ADAM10: variants seen among roughly 807,000 people sequenced by gnomAD.
ADAM10 encodes ADAM metallopeptidase domain 10.
ADAM10 carries 17 observed loss-of-function variants against 90.1 expected under a neutral mutation model. That is an observed-to-expected ratio of 0.19 (90% confidence interval 0.13 to 0.28). ADAM10 has a LOEUF of 0.28. Ranked by LOEUF, ADAM10 falls within the 10% of genes least tolerant of loss-of-function variation. The pLI is 1.00. For synonymous variants in ADAM10, 310 were observed against 298.6 expected (o/e 1.04, Z -0.40); for missense variants, 610 against 914.3 (o/e 0.67, Z 4.29).
chr15:58,621,496 T>G lies in ADAM10; in HGVS notation c.1486A>C (p.Lys496Gln), dbSNP rs543705574. The G allele has an allele frequency of 6.2e-7, 1 of 1,614,116 alleles. No homozygotes were observed. Among genetic ancestry groups the G allele is most frequent in the South Asian group, 1.1e-5 (1 of 91,078 alleles). Residue 496 changes from lysine (K) to glutamine (Q), a missense_variant, in exon 11 of 16, where the codon AAA (lysine) becomes CAA (glutamine). Around this residue, in one of 4 missense-constraint regions of ADAM10, gnomAD observed 53 missense variants for 62.0 expected, o/e 0.85. Transcript: ENST00000260408. ...DANQPEGRKC[K>Q]LKPGKQCSPS... Reference sequence around the variant, plus strand: ...CTGCACTGTTTCCCAGGTTTCAGTTTGCATTTTCTTCCCTCTGGTTGATTT... The same window carrying G: ...CTGCACTGTTTCCCAGGTTTCAGTTGGCATTTTCTTCCCTCTGGTTGATTT...
At chr15:58,599,577 A>G in intron 15 of ADAM10, 21 bp downstream of exon 15, 1 of 1,612,008 alleles carries the variant, frequency 6.2e-7, no homozygotes, top group Non-Finnish European at 8.5e-7. Context: ...ATAAATATGT[A>G]TCTTGCTCAA....
intron 6 of ADAM10, 57 bp from the exon 7 acceptor site, chr15:58,644,035 T>C (rs1467507933): frequency 2.3e-6 from 3 of 1,332,624 alleles, no homozygotes; most frequent in Non-Finnish European, 3.2e-6. Context: ...AAAAAGATTA[T>C]AAATTTCCAT....
rs140264452 is a variant in ADAM10 at position 58,621,103 on chromosome 15, A to T, written c.1511+368T>A. Among the ~76,000 whole-genome samples, 69 of 152,006 alleles carry T rather than the reference A, an allele frequency of 4.5e-4. 1 individual carries two copies. The East Asian group carries it at 0.013, about 28-fold the overall frequency. On this transcript the variant is annotated intron_variant, in intron 11 of 15. Transcript: ENST00000260408. ...ATGGCGTAACTCTGTCTCTAAAAAA[A>T]AATACAAAAATTAGCTGGGTGTGGT...
chr15:58,745,600 C>T (rs943967335), intron 1 of ADAM10, among the ~76,000 whole-genome samples: 3 of 151,986 alleles, frequency 2.0e-5, no homozygotes, highest in Admixed American at 6.6e-5. Flanking sequence ...ATCTTTAAGA[C>T]TACAGAGAAA....
intron 4 of ADAM10, among the ~76,000 whole-genome samples, chr15:58,676,479 A>G (rs1377457712): frequency 6.6e-6 from 1 of 152,208 alleles, no homozygotes. Flanking sequence ...GAATTTAAAG[A>G]ACCAATTAAA....
chr15:58,630,857 G>T (rs963547228), intron 9 of ADAM10, among the ~76,000 whole-genome samples: 5 of 152,090 alleles, frequency 3.3e-5, no homozygotes, highest in Non-Finnish European at 5.9e-5. Flanking sequence ...GTATAATTTG[G>T]ATGTCTGTCC....
chr15:58,615,805 C>T (rs1356758890), intron 11 of ADAM10, among the ~76,000 whole-genome samples: 1 of 151,988 alleles, frequency 6.6e-6, no homozygotes, highest in Non-Finnish European at 1.5e-5. Context: ...GTCAGGAGTT[C>T]AAGACCAGCC....
chr15:58,597,788 A>C (rs1894998292), intron 15 of ADAM10, 147 bp from the exon 16 acceptor site: 1 of 688,070 alleles, frequency 1.5e-6, no homozygotes, highest in Non-Finnish European at 2.2e-6. Flanking sequence ...ATCTTCTGAT[A>C]GCCACAATAA....
rs1462521310 is a variant in ADAM10, at chr15:58,611,907, C to G, written c.1596G>C (p.Arg532Ser). ...CTGTGAAGCCATTACATATTCCTTC[C>G]CTTGCACAGTCTGAATCATCCCGAC... is the stretch of plus-strand genomic sequence containing the variant. Reference protein sequence around the residue: ...EKCRDDSDCAREGICNGFTAL... With the variant: ...EKCRDDSDCASEGICNGFTAL... Residue 532 changes from arginine to serine, a missense_variant, in exon 12 of 16, where the codon AGG becomes AGC. Physicochemically the swap from Arg to Ser is moderately radical, Grantham distance 110 (BLOSUM62 -1). Around this residue, in one of 4 missense-constraint regions of ADAM10, gnomAD observed 53 missense variants for 62.0 expected, o/e 0.85. Transcript: ENST00000260408. 6.2e-7 allele frequency: 1 copy of G among 1,614,154 alleles called. No homozygotes were observed. The highest frequency in any genetic ancestry group is 8.5e-7 in the Non-Finnish European group (1 of 1,180,006).
intron 8 of ADAM10, among the ~76,000 whole-genome samples, chr15:58,635,155 G>A (rs1184972421): frequency 6.6e-6 from 1 of 150,784 alleles, no homozygotes; most frequent in East Asian, 1.9e-4. Context: ...GGTGCCTGTA[G>A]CCCCAGCTAC....
At chr15:58,660,870 A>G (rs1596040361) in intron 5 of ADAM10, among the ~76,000 whole-genome samples, 1 of 152,342 alleles carries the variant, frequency 6.6e-6, no homozygotes, top group Middle Eastern at 3.4e-3. Flanking sequence ...CAACTCTTCA[A>G]TTCTGCCACT....
chr15:58,597,774 TA>T, intron 15 of ADAM10, 133 bp from the exon 16 acceptor site: 1 of 817,872 alleles, frequency 1.2e-6, no homozygotes, highest in East Asian at 2.9e-5. Context: ...CAATGTAATT[TA>T]AAATCTTCTG....
intron 8 of ADAM10, among the ~76,000 whole-genome samples, chr15:58,637,124 C>T (rs1258640380): frequency 2.6e-5 from 4 of 152,160 alleles, no homozygotes; most frequent in African/African-American, 4.8e-5. Flanking sequence ...TGGGTTATCC[C>T]GAGAACCCTG....
intron 2 of ADAM10, among the ~76,000 whole-genome samples, chr15:58,693,447 A>G (rs370697538): frequency 1.3e-5 from 2 of 152,366 alleles, no homozygotes; most frequent in South Asian, 2.1e-4. Context: ...CTAAGAATAT[A>G]TAAATAGGTC....
At chr15:58,612,995 G>A (rs1482566016) in intron 11 of ADAM10, among the ~76,000 whole-genome samples, 2 of 152,216 alleles carry the variant, frequency 1.3e-5, no homozygotes, top group Non-Finnish European at 2.9e-5. Context: ...CAGCACCGCA[G>A]CAGGTGCTCG....
chr15:58,692,923 C>A (rs1738929815), intron 2 of ADAM10: 2 of 705,422 alleles, frequency 2.8e-6, no homozygotes, highest in African/African-American at 1.8e-5. Flanking sequence ...CTTGGTCATG[C>A]CAATGCCTGT....
chr15:58,621,678 A>G (rs947241856), intron 10 of ADAM10, 57 bp from the exon 11 acceptor site: 1 of 1,593,824 alleles, frequency 6.3e-7, no homozygotes, highest in African/African-American at 1.3e-5. Flanking sequence ...ATTTTATTTA[A>G]AATTCACAAA....
rs112542942 is a variant in ADAM10 at position 58,678,373 on chromosome 15, G to GT, written c.484+750dup. Reference sequence around the variant, plus strand: ...AATTTCTGTCTATACAAAGGAAAACGTATGTAGGAAGAAGCTGCCAAGTTA... The same window carrying GT: ...AATTTCTGTCTATACAAAGGAAAACGTTATGTAGGAAGAAGCTGCCAAGTTA... On this transcript the variant is annotated intron_variant, in intron 4 of 15. Coordinates refer to ENST00000260408, the MANE Select transcript of ADAM10 (RefSeq NM_001110.4). Among the ~76,000 whole-genome samples, 533 of 152,232 alleles carry GT rather than the reference G, an allele frequency of 3.5e-3. 5 individuals are homozygous for GT. Among genetic ancestry groups the GT allele is most frequent in the African/African-American group, 0.012 (513 of 41,560 alleles).
intron 5 of ADAM10, among the ~76,000 whole-genome samples, chr15:58,646,532 C>T (rs1483027431): frequency 6.6e-6 from 1 of 152,160 alleles, no homozygotes; most frequent in Non-Finnish European, 1.5e-5. Context: ...CATCTACCAT[C>T]CAGTTCTGTC....
Sources: gnomAD v4.1 joint callset for allele counts (sites outside exome capture counted in the v4.1 genomes callset) on GRCh38, gnomAD v4.1.1 for gene constraint, gnomAD v4.1.1 regional missense constraint, MANE v1.5 for transcripts, NCBI Gene and HGNC (gene_info 2026-07-23, HGNC 2026-07-21) for gene names.